Variants in MEI4 observed in about 807,000 individuals in gnomAD.
The protein encoded by MEI4 is meiotic double-stranded break formation protein 4, also known as meiosis-specific protein MEI4.
MEI4 carries 27 observed loss-of-function variants against 31.4 expected under a neutral mutation model. That is an observed-to-expected ratio of 0.86 (90% CI 0.63 to 1.19). The LOEUF is 1.19. Among genes scored for constraint, MEI4 ranks in the 50% most tolerant of loss-of-function variants. MEI4 has a pLI of 0.00. For synonymous variants in MEI4, 122 were observed against 145.4 expected, an observed-to-expected ratio of 0.84 and a Z score of 1.16; for missense variants, 329 against 398.9, an observed-to-expected ratio of 0.82 and a Z score of 1.49.
intron 4 of MEI4, among the ~76,000 whole-genome samples, chr6:77,881,378 G>A (rs1243983349): frequency 6.6e-6 from 1 of 152,050 alleles, no homozygotes; most frequent in Non-Finnish European, 1.5e-5. Context: ...AAACATTCTG[G>A]ACAAAGTATA....
At chr6:77,699,945 G>A (rs892868357) in intron 2 of MEI4, among the ~76,000 whole-genome samples, 3 of 152,088 alleles carry the variant, frequency 2.0e-5, no homozygotes, top group East Asian at 3.9e-4. Context: ...CTGCCTGATC[G>A]CTCCTCTGGA....
Position 77,768,948 on chromosome 6 carries a change from A to C in MEI4, c.768+7283A>C, listed in dbSNP as rs148051597. On this transcript the variant is annotated intron_variant, in intron 3 of 4. Transcript: ENST00000684080. ...GAGGCAGAGCAAGATACCCAAATAC[A>C]AGCCTCTAGGAATTGCTGTACCCCC... Among the ~76,000 whole-genome samples the C allele has an allele frequency of 2.1e-3, 323 of 152,260 alleles. 5 individuals carry two copies. Among genetic ancestry groups the C allele is most frequent in the African/African-American group, 7.5e-3 (313 of 41,556 alleles).
chr6:77,897,993 G>T (rs979455781), intron 4 of MEI4, among the ~76,000 whole-genome samples: 2 of 151,966 alleles, frequency 1.3e-5, no homozygotes, highest in African/African-American at 4.8e-5. Flanking sequence ...ACCAGTATGT[G>T]CTTCTGTTGT....
At chr6:77,689,490 A>G (rs1423788732) in intron 1 of MEI4, among the ~76,000 whole-genome samples, 7 of 152,020 alleles carry the variant, frequency 4.6e-5, no homozygotes, top group African/African-American at 1.7e-4. Context: ...AGGATATCAG[A>G]TAGTTAGTTA....
At chr6:77,895,642 T>C (rs1448121096) in intron 4 of MEI4, among the ~76,000 whole-genome samples, 5 of 152,162 alleles carry the variant, frequency 3.3e-5, no homozygotes, top group Non-Finnish European at 7.4e-5. Flanking sequence ...TTTACTTCTT[T>C]ATCTCCTTAG....
chr6:77,814,777 C>T (rs915459998), intron 3 of MEI4, among the ~76,000 whole-genome samples: 1 of 152,100 alleles, frequency 6.6e-6, no homozygotes, highest in African/African-American at 2.4e-5. Flanking sequence ...CCTTTTCCCC[C>T]TCTATCCCAC....
At chr6:77,806,800 G>A (rs1769451953) in intron 3 of MEI4, among the ~76,000 whole-genome samples, 1 of 152,112 alleles carries the variant, frequency 6.6e-6, no homozygotes, top group Admixed American at 6.6e-5. Flanking sequence ...GGCAAACTAT[G>A]CTATTGGGTC....
intron 4 of MEI4, among the ~76,000 whole-genome samples, chr6:77,921,832 C>A (rs1008576337): frequency 1.3e-5 from 2 of 151,726 alleles, no homozygotes; most frequent in African/African-American, 4.8e-5. Context: ...CAGTTAAGTT[C>A]ACCATCTGAT....
chr6:77,675,839 G>A (rs919575297), intron 1 of MEI4, among the ~76,000 whole-genome samples: 1 of 151,200 alleles, frequency 6.6e-6, no homozygotes, highest in Non-Finnish European at 1.5e-5. Flanking sequence ...CTATAATGAA[G>A]GAAGAAGAAG....
intron 3 of MEI4, among the ~76,000 whole-genome samples, chr6:77,787,931 C>T (rs1394446101): frequency 2.6e-5 from 4 of 152,140 alleles, no homozygotes; most frequent in Non-Finnish European, 4.4e-5. Context: ...ATTTTTGCAT[C>T]GATGTTCATC....
At chr6:77,732,073 C>G (rs575700513) in intron 2 of MEI4, among the ~76,000 whole-genome samples, 38 of 150,590 alleles carry the variant, frequency 2.5e-4, no homozygotes, top group African/African-American at 9.1e-4. Flanking sequence ...ATGCCTCCAG[C>G]TTTGTTCTTT....
chr6:77,744,890 A>T (rs1412144476), intron 2 of MEI4, among the ~76,000 whole-genome samples: 2 of 152,214 alleles, frequency 1.3e-5, no homozygotes, highest in Non-Finnish European at 1.5e-5. Flanking sequence ...GTGAAGGAGA[A>T]ATAAAATGCT....
At position 77,800,377 on chromosome 6, in the gene MEI4, A is replaced by G. The variant is rs1769217641; in HGVS notation, c.769-28554A>G. Among the ~76,000 whole-genome samples the G allele has an allele frequency of 2.0e-5, 3 of 152,196 alleles. No homozygotes were observed. The South Asian group carries it at 6.2e-4, about 32-fold the overall frequency. ...TGAGACTTTGCTGAAGTTGCCTATC[A>G]GCTTAAGGAGATTTTGGGCTGAGAC... is the stretch of plus-strand genomic sequence containing the variant. On this transcript the variant is annotated intron_variant, in intron 3 of 4. Transcript: ENST00000684080.
chr6:77,880,234 GTT>G (rs10547763), intron 4 of MEI4, among the ~76,000 whole-genome samples: 19,955 of 140,760 alleles, frequency 0.14, 1,467 homozygotes, highest in East Asian at 0.38. Flanking sequence ...TTTTTTGTTT[GTT>G]TTTTTTTTTT....
chr6:77,857,418 T>C (rs1318140509), intron 4 of MEI4, among the ~76,000 whole-genome samples: 1 of 152,208 alleles, frequency 6.6e-6, no homozygotes, highest in Non-Finnish European at 1.5e-5. Context: ...GTTGCTTTGA[T>C]AAAAATTTTC....
intron 4 of MEI4, among the ~76,000 whole-genome samples, chr6:77,911,369 G>T (rs1385907266): frequency 6.6e-6 from 1 of 151,876 alleles, no homozygotes; most frequent in Non-Finnish European, 1.5e-5. Context: ...TAATTTCTGT[G>T]TCACTGCAGT....
At chr6:77,873,120 T>C (rs1771239992) in intron 4 of MEI4, among the ~76,000 whole-genome samples, 1 of 151,688 alleles carries the variant, frequency 6.6e-6, no homozygotes, top group African/African-American at 2.4e-5. Flanking sequence ...ATTTATACAG[T>C]AATGGGATGG....
chr6:77,883,715 A>AGAGAG (rs1562025017), intron 4 of MEI4, among the ~76,000 whole-genome samples: 3 of 65,612 alleles, frequency 4.6e-5, no homozygotes, highest in African/African-American at 2.2e-4. Context: ...GCTATTATGT[A>AGAGAG]AGATATATAT....
chr6:77,756,740 G>A (rs1219945442), intron 2 of MEI4, among the ~76,000 whole-genome samples: 2 of 150,244 alleles, frequency 1.3e-5, no homozygotes, highest in Admixed American at 6.7e-5. Context: ...GGCTATCTAT[G>A]TAATTGTTGT....
Sources: gnomAD v4.1 joint callset for allele counts (sites outside exome capture counted in the v4.1 genomes callset) on GRCh38, gnomAD v4.1.1 for gene constraint, MANE v1.5 for transcripts, NCBI Gene and HGNC (gene_info 2026-07-23, HGNC 2026-07-21) for gene names.